SIPA1L1: variants seen among roughly 807,000 people sequenced by gnomAD.
SIPA1L1 encodes the protein signal-induced proliferation-associated 1-like protein 1.
SIPA1L1 carries 26 observed loss-of-function variants against 162.7 expected under a neutral mutation model. That is an observed-to-expected ratio of 0.16 (90% confidence interval 0.12 to 0.22). SIPA1L1 has a LOEUF of 0.22. Among genes scored for constraint, SIPA1L1 ranks in the 10% least tolerant of loss-of-function variants. The pLI is 1.00. For synonymous variants in SIPA1L1, 829 were observed against 837.4 expected (o/e 0.99, Z 0.17); for missense variants, 1,874 against 2,241.0 (o/e 0.84, Z 3.31).
chr14:71,434,567 A>G (rs2044236856), intron 2 of SIPA1L1, among the ~76,000 whole-genome samples: 1 of 152,044 alleles, frequency 6.6e-6, no homozygotes, highest in Non-Finnish European at 1.5e-5. Context: ...CATTTCATTT[A>G]TACGTATGCT....
At chr14:71,653,548 A>G (rs753585520) in intron 8 of SIPA1L1, among the ~76,000 whole-genome samples, 32 of 152,222 alleles carry the variant, frequency 2.1e-4, no homozygotes, top group Middle Eastern at 3.4e-3. Context: ...CTCTGTGTCA[A>G]CTGTCCCACA....
rs543072371 is a variant in SIPA1L1 at position 71,345,652 on chromosome 14, C to T, written c.-465+24471C>T. 4.4e-4 allele frequency among the ~76,000 whole-genome samples: 66 copies of T among 150,510 alleles called. 1 individual carries two copies. The highest frequency in any genetic ancestry group is 1.4e-3 in the African/African-American group (59 of 40,902). ...GCAGTGGCGCGATCTTGGCTCACTG[C>T]AAGCTCTGCCTCCCGAGTTCATGCC... On this transcript the variant is annotated intron_variant, in intron 2 of 23. Transcript: ENST00000381232.
Position 71,671,595 on chromosome 14 carries a change from A to G in SIPA1L1, c.2732A>G (p.Asp911Gly). The G allele has an allele frequency of 1.9e-6, 3 of 1,614,186 alleles. No homozygotes were observed. The highest frequency in any genetic ancestry group is 2.5e-6 in the Non-Finnish European group (3 of 1,180,032). ...CRDVIGWTSTDTSLKIFYERG... is the reference protein window; with the variant it reads ...CRDVIGWTSTGTSLKIFYERG... The stretch of plus-strand genomic sequence containing the variant: ...GATGTGATAGGGTGGACTTCAACTG[A>G]CACCAGCCTCAAAATCTTCTATGAA... The change falls in exon 11 of 24, where the codon GAC becomes GGC. Residue 911 changes from aspartate (D) to glycine (G), a missense_variant. By Grantham distance (94) the Asp-to-Gly change is moderately conservative. Transcript: ENST00000381232.
At chr14:71,544,277 A>G (rs2054939353) in intron 4 of SIPA1L1, among the ~76,000 whole-genome samples, 1 of 105,028 alleles carries the variant, frequency 9.5e-6, no homozygotes, top group South Asian at 2.7e-4. Context: ...GTGTATATAC[A>G]TATGTGTATA....
At position 71,455,168 on chromosome 14, in the gene SIPA1L1, G is replaced by C. The variant is rs948601264; in HGVS notation, c.-464-57575G>C. On this transcript the variant is annotated intron_variant, in intron 2 of 23. Transcript: ENST00000381232. ...CATTCTGTCTCAGAAAATCATTATAGTGTTAACTGTAACAAGTTGGTTTAC... is the reference window on the plus strand; with the variant it reads ...CATTCTGTCTCAGAAAATCATTATACTGTTAACTGTAACAAGTTGGTTTAC... 5.3e-5 allele frequency among the ~76,000 whole-genome samples: 8 copies of C among 152,322 alleles called. No individual in the cohort carries two copies. The East Asian group carries it at 7.7e-4, about 15-fold the overall frequency.
intron 2 of SIPA1L1, among the ~76,000 whole-genome samples, chr14:71,388,506 G>T (rs960529506): frequency 1.3e-5 from 2 of 152,176 alleles, no homozygotes; most frequent in African/African-American, 4.8e-5. Context: ...ACCTAACTGA[G>T]ATTTTAACGT....
intron 2 of SIPA1L1, among the ~76,000 whole-genome samples, chr14:71,326,942 C>A (rs1227886251): frequency 6.6e-6 from 1 of 151,828 alleles, no homozygotes; most frequent in African/African-American, 2.4e-5. Flanking sequence ...GGACTCCTGA[C>A]TTCCAGCGAT....
intron 6 of SIPA1L1, among the ~76,000 whole-genome samples, chr14:71,619,941 A>G (rs1272096796): frequency 1.3e-5 from 2 of 152,202 alleles, no homozygotes; most frequent in African/African-American, 4.8e-5. Flanking sequence ...CTCCATGGCA[A>G]AGCTAATCAT....
chr14:71,657,345 CAA>C (rs561713864), intron 8 of SIPA1L1, among the ~76,000 whole-genome samples: 20 of 88,170 alleles, frequency 2.3e-4, no homozygotes, highest in East Asian at 2.8e-4. Flanking sequence ...GAGACTGTCT[CAA>C]AAAAAAAAAA....
At chr14:71,660,973 C>T (rs2043456160) in intron 9 of SIPA1L1, among the ~76,000 whole-genome samples, 1 of 152,190 alleles carries the variant, frequency 6.6e-6, no homozygotes, top group Non-Finnish European at 1.5e-5. Context: ...TAAAAATCTT[C>T]CCTGTGGCAC....
chr14:71,518,238 C>G (rs1312050945), intron 3 of SIPA1L1, among the ~76,000 whole-genome samples: 1 of 151,312 alleles, frequency 6.6e-6, no homozygotes, highest in East Asian at 1.9e-4. Flanking sequence ...GAGCCAAGAT[C>G]ATACCACTGC....
chr14:71,619,913 T>C (rs1424401458), intron 6 of SIPA1L1, among the ~76,000 whole-genome samples: 1 of 152,174 alleles, frequency 6.6e-6, no homozygotes, highest in Non-Finnish European at 1.5e-5. Context: ...TGAACTAACA[T>C]ACTCTCATGT....
chr14:71,695,586 G>A (rs1178541349), intron 13 of SIPA1L1, among the ~76,000 whole-genome samples: 2 of 152,176 alleles, frequency 1.3e-5, no homozygotes, highest in South Asian at 4.1e-4. Context: ...CCTCATAGAA[G>A]CATAAACATT....
intron 2 of SIPA1L1, among the ~76,000 whole-genome samples, chr14:71,461,410 A>G (rs555179374): frequency 5.9e-5 from 9 of 152,288 alleles, no homozygotes; most frequent in Admixed American, 2.6e-4. Flanking sequence ...TTGGGTGATG[A>G]CGGGTGGCTG....
chr14:71,715,707 C>G (rs1028068646), intron 17 of SIPA1L1, among the ~76,000 whole-genome samples: 3 of 152,198 alleles, frequency 2.0e-5, no homozygotes, highest in African/African-American at 7.2e-5. Context: ...TCTTCATCAC[C>G]TGCCTTAACA....
chr14:71,434,893 C>T (rs530713598), intron 2 of SIPA1L1, among the ~76,000 whole-genome samples: 29 of 152,260 alleles, frequency 1.9e-4, no homozygotes, highest in Admixed American at 5.2e-4. Context: ...ATGTATGCTT[C>T]GTAGAAATTT....
chr14:71,412,182 C>T (rs1433137400), intron 2 of SIPA1L1, among the ~76,000 whole-genome samples: 2 of 152,214 alleles, frequency 1.3e-5, no homozygotes, highest in Admixed American at 6.5e-5. Context: ...ATCTGACTCT[C>T]AGAATATCTT....
rs529485126 is a variant in SIPA1L1 at position 71,411,972 on chromosome 14, T to C, written c.-465+90791T>C. On this transcript the variant is annotated intron_variant, in intron 2 of 23. Coordinates refer to ENST00000381232, the MANE Select transcript of SIPA1L1 (RefSeq NM_001386936.1). ...CTTTTGCTTGAGTTTAAAATTTGCA[T>C]GTTTATTCATGTTCCTAAGTGGATT... 3.3e-5 allele frequency among the ~76,000 whole-genome samples: 5 copies of C among 152,356 alleles called. No homozygotes were observed. The South Asian group carries it at 1.0e-3, about 32-fold the overall frequency.
At chr14:71,705,194 C>T (rs2082352366) in intron 15 of SIPA1L1, 28 bp from the exon 16 acceptor site, 1 of 1,499,048 alleles carries the variant, frequency 6.7e-7, no homozygotes, top group African/African-American at 1.4e-5. Context: ...TTAGTGCCTG[C>T]ACCATAATGT....
Sources: gnomAD v4.1 joint callset for allele counts (sites outside exome capture counted in the v4.1 genomes callset) on GRCh38, gnomAD v4.1.1 for gene constraint, MANE v1.5 for transcripts, NCBI Gene and HGNC (gene_info 2026-07-23, HGNC 2026-07-21) for gene names.